Variants in ADGRV1 observed in about 807,000 individuals in gnomAD.
The protein encoded by ADGRV1 is adhesion G protein-coupled receptor V1, also known as G-protein coupled receptor 98.
A neutral mutation model predicts 596.2 loss-of-function variants in ADGRV1; 359 were observed. That is an observed-to-expected ratio of 0.60 (90% CI 0.55 to 0.66). The LOEUF (loss-of-function observed/expected upper bound fraction) is 0.66, where lower values mean the gene tolerates loss of function less well. ADGRV1 is among the 30% of genes least tolerant of loss of function. ADGRV1 has a pLI of 0.00. For synonymous variants in ADGRV1, 2,681 were observed against 2,679.2 expected, an observed-to-expected ratio of 1.00 and a Z score of -0.02; for missense variants, 7,274 against 7,575.6, an observed-to-expected ratio of 0.96 and a Z score of 1.48.
chr5:90,907,235 A>G (rs1357514384), intron 83 of ADGRV1, among the ~76,000 whole-genome samples: 2 of 152,186 alleles, frequency 1.3e-5, no homozygotes, highest in East Asian at 3.8e-4. Flanking sequence ...AAAAAACAAA[A>G]TAGTTAACTT....
At chr5:90,664,953 G>C (rs1771050123) in intron 21 of ADGRV1, among the ~76,000 whole-genome samples, 1 of 152,008 alleles carries the variant, frequency 6.6e-6, no homozygotes, top group African/African-American at 2.4e-5. Context: ...TTGCATCCCA[G>C]GGATGAAGCC....
chr5:91,071,784 C>T (rs1788413028), intron 85 of ADGRV1, among the ~76,000 whole-genome samples: 1 of 151,980 alleles, frequency 6.6e-6, no homozygotes, highest in Non-Finnish European at 1.5e-5. Flanking sequence ...AAGCAATTCT[C>T]CCTCCTCAGC....
At position 90,726,494 on chromosome 5, in the gene ADGRV1, C is replaced by G. The variant is rs578093090; in HGVS notation, c.10161+838C>G. Among the ~76,000 whole-genome samples, 4 of 152,196 alleles carry G rather than the reference C, an allele frequency of 2.6e-5. No homozygotes were observed. The South Asian group carries it at 8.3e-4, about 31-fold the overall frequency. On this transcript the variant is annotated intron_variant, in intron 48 of 89. Transcript: ENST00000405460. ...TGTTTTGTCTTTACTTCCCCGTGCT[C>G]ACCAATGACAACTGCATTACCAGAT...
Position 90,725,623 on chromosome 5 carries a change from T to G in ADGRV1, c.10128T>G (p.Ile3376Met), listed in dbSNP as rs1751664248. ...FTSDSQDYLI[I>M]ASQRDDSELT... The stretch of plus-strand genomic sequence containing the variant: ...CAGACAGCCAAGATTATTTAATCAT[T>G]GCAAGTCAAAGAGATGATTCCGAAT... Residue 3376 changes from isoleucine (I) to methionine (M), a missense_variant, in exon 48 of 90, where the codon ATT (isoleucine) becomes ATG (methionine). Transcript: ENST00000405460. The G allele has an allele frequency of 6.3e-7, 1 of 1,580,562 alleles. No individual in the cohort carries two copies. The highest frequency in any genetic ancestry group is 8.7e-7 in the Non-Finnish European group (1 of 1,151,752).
chr5:90,755,975 C>G (rs983694126), intron 55 of ADGRV1, among the ~76,000 whole-genome samples: 9 of 150,720 alleles, frequency 6.0e-5, no homozygotes, highest in Non-Finnish European at 8.9e-5. Context: ...GAGGGTTTTC[C>G]CCCCCTTTTT....
At chr5:90,740,045 A>G (rs1381949987) in intron 50 of ADGRV1, among the ~76,000 whole-genome samples, 1 of 152,172 alleles carries the variant, frequency 6.6e-6, no homozygotes, top group Non-Finnish European at 1.5e-5. Context: ...CTAGATTCAG[A>G]TAATTGCTGA....
intron 34 of ADGRV1, 108 bp downstream of exon 34, chr5:90,697,254 C>A: frequency 9.9e-7 from 1 of 1,015,150 alleles, no homozygotes; most frequent in Non-Finnish European, 1.5e-6. Context: ...TTTTGTTGAA[C>A]TGTGTGTGTG....
chr5:90,759,283 T>G (rs1561672056), intron 57 of ADGRV1, 126 bp from the exon 58 acceptor site: 1 of 644,780 alleles, frequency 1.6e-6, no homozygotes. Context: ...CTGAGATTTT[T>G]GGTTTCAACT....
At chr5:90,988,270 A>G (rs1278912557) in intron 85 of ADGRV1, among the ~76,000 whole-genome samples, 3 of 152,204 alleles carry the variant, frequency 2.0e-5, no homozygotes, top group Admixed American at 6.5e-5. Context: ...CTATTTCATT[A>G]TACATAGTTC....
At position 91,027,293 on chromosome 5, in the gene ADGRV1, C is replaced by G. The variant is rs188009355; in HGVS notation, c.18152+41771C>G. On this transcript the variant is annotated intron_variant, in intron 85 of 89. Coordinates refer to ENST00000405460, the MANE Select transcript of ADGRV1 (RefSeq NM_032119.4). ...GTTGCTAACCTCTTTGATAATCTAACAGAAGGAGTCCCTGGACTCCTCATC... is the reference window on the plus strand; with the variant it reads ...GTTGCTAACCTCTTTGATAATCTAAGAGAAGGAGTCCCTGGACTCCTCATC... Among the ~76,000 whole-genome samples, 342 of 152,090 alleles carry G rather than the reference C, an allele frequency of 2.2e-3. 4 individuals are homozygous for G. The highest frequency in any genetic ancestry group is 5.7e-4 in the Non-Finnish European group (39 of 67,980).
In ADGRV1 at chr5:90,685,816, C is replaced by G; in HGVS notation, c.6311C>G (p.Thr2104Ser). Residue 2104 changes from threonine (T) to serine (S), a missense_variant, in exon 29 of 90, where the codon ACT becomes AGT. This residue lies in a region of ADGRV1 where 3,643 missense variants were observed against 3,809.2 expected (regional missense o/e 0.96). Coordinates refer to ENST00000405460, the MANE Select transcript of ADGRV1 (RefSeq NM_032119.4). ...NSPRLGPKVE[T>S]IAQLIIIAND... Reference sequence around the variant, plus strand: ...CCACGTCTTGGGCCTAAGGTAGAAACTATTGCGCAACTAATTATCATTGCC... The same window carrying G: ...CCACGTCTTGGGCCTAAGGTAGAAAGTATTGCGCAACTAATTATCATTGCC... The G allele has an allele frequency of 2.5e-6, 4 of 1,611,346 alleles. No homozygotes were observed. Among genetic ancestry groups the G allele is most frequent in the Non-Finnish European group, 3.4e-6 (4 of 1,178,678 alleles).
In ADGRV1 at chr5:90,629,256, C is replaced by G. The variant is rs748901079; in HGVS notation, c.1556C>G (p.Thr519Arg). The part of the protein sequence containing the change: ...QDSDDVYGLI[T>R]FFPMENQKIE... ...AGTGATGATGTCTATGGCCTAATAA[C>G]ATTTTTTCCTATGGAAAACCAGAAG... Residue 519 changes from threonine to arginine, a missense_variant, in exon 9 of 90, where the codon ACA (threonine) becomes AGA (arginine). Coordinates refer to ENST00000405460, the MANE Select transcript of ADGRV1 (RefSeq NM_032119.4). 1 of 1,611,458 alleles carries G rather than the reference C, an allele frequency of 6.2e-7. No homozygotes were observed.
chr5:91,123,758 C>G (rs1461997122), intron 87 of ADGRV1, among the ~76,000 whole-genome samples: 1 of 152,150 alleles, frequency 6.6e-6, no homozygotes, highest in Admixed American at 6.5e-5. Context: ...ATTAATTTAT[C>G]TATTCTGTTG....
In ADGRV1 at chr5:90,643,160, CTG is replaced by C. The variant is rs1767216946; in HGVS notation, c.2553+120_2553+121del. The stretch of plus-strand genomic sequence containing the variant: ...CAGGAAAGAGGTGGGCAAGAAAAGA[CTG>C]AGAAGTACATAGATTTGGAAAATTT... On this transcript the variant is annotated intron_variant, in intron 13 of 89. Coordinates refer to ENST00000405460, the MANE Select transcript of ADGRV1 (RefSeq NM_032119.4). 3.3e-6 allele frequency: 3 copies of C among 899,710 alleles called. No individual in the cohort carries two copies. In the East Asian group the frequency reaches 8.2e-5, roughly 25 times the overall value. The allele number at this position is 899,710 out of a possible 1,614,324, so 55.7% of individuals were successfully genotyped here.
chr5:90,634,522 A>AG (rs1404275426), intron 9 of ADGRV1, among the ~76,000 whole-genome samples: 1 of 152,212 alleles, frequency 6.6e-6, no homozygotes, highest in East Asian at 1.9e-4. Context: ...ATGAAGTTAT[A>AG]AATGGAGTTC....
intron 85 of ADGRV1, among the ~76,000 whole-genome samples, chr5:91,001,822 GTCTT>G (rs1347236016): frequency 1.3e-5 from 2 of 151,594 alleles, no homozygotes; most frequent in Non-Finnish European, 2.9e-5. Flanking sequence ...AACTTATTTG[GTCTT>G]TCTATCTCAC....
intron 1 of ADGRV1, among the ~76,000 whole-genome samples, chr5:90,596,241 G>A (rs1338399566): frequency 6.6e-6 from 1 of 151,454 alleles, no homozygotes; most frequent in Non-Finnish European, 1.5e-5. Context: ...TGGCGGCCGG[G>A]AAGAGGCGCT....
chr5:90,841,015 T>C (rs759454682), intron 78 of ADGRV1, 30 bp downstream of exon 78: 2 of 1,401,054 alleles, frequency 1.4e-6, no homozygotes, highest in Non-Finnish European at 9.3e-7. Flanking sequence ...AGTAATTTGT[T>C]TAGTGAAATT....
At chr5:90,980,652 C>T (rs1780003521) in intron 84 of ADGRV1, among the ~76,000 whole-genome samples, 1 of 152,120 alleles carries the variant, frequency 6.6e-6, no homozygotes, top group African/African-American at 2.4e-5. Context: ...GTAAGATAAA[C>T]AGTGAACAGT....
Sources: gnomAD v4.1 joint callset for allele counts (sites outside exome capture counted in the v4.1 genomes callset) on GRCh38, gnomAD v4.1.1 for gene constraint, gnomAD v4.1.1 regional missense constraint, MANE v1.5 for transcripts, NCBI Gene and HGNC (gene_info 2026-07-23, HGNC 2026-07-21) for gene names.